The following SLC26A4 variants were observed in gnomAD, a reference collection of about 807,000 sequenced individuals.
SLC26A4 encodes the protein pendrin.
SLC26A4 carries 93 observed loss-of-function variants against 90.4 expected under a neutral mutation model. That is an observed-to-expected ratio of 1.03 (90% CI 0.87 to 1.22). The LOEUF (loss-of-function observed/expected upper bound fraction) is 1.22, where lower values mean the gene tolerates loss of function less well. Ranked by LOEUF, SLC26A4 falls within the 50% of genes most tolerant of loss-of-function variation. The probability of loss-of-function intolerance (pLI) is 0.00; values close to 1 mark genes in which losing one functional copy is unlikely to be tolerated. For missense variants in SLC26A4, 1,127 were observed against 946.2 expected (o/e 1.19, Z -2.51); for synonymous variants, 393 against 354.6 (o/e 1.11, Z -1.22).
In SLC26A4 at chr7:107,705,341, G is replaced by A. The variant is rs530712783; in HGVS notation, c.2089+956G>A. Among the ~76,000 whole-genome samples, 153 of 152,238 alleles carry A rather than the reference G, an allele frequency of 1.0e-3. 3 individuals are homozygous for A. The South Asian group carries it at 0.026, about 26-fold the overall frequency. The stretch of plus-strand genomic sequence containing the variant: ...TTGTTGTTTCAGAGAGAGACCATTC[G>A]ATGTCTGACAGGTGGCTTTTTGGAA... On this transcript the variant is annotated intron_variant, in intron 18 of 20. Transcript: ENST00000644269.
chr7:107,671,594 T>A (rs566180147), intron 3 of SLC26A4, among the ~76,000 whole-genome samples: 37 of 152,264 alleles, frequency 2.4e-4, no homozygotes, highest in African/African-American at 8.4e-4. Flanking sequence ...TCCAGGTGAT[T>A]TGGATCCTGT....
intron 6 of SLC26A4, among the ~76,000 whole-genome samples, chr7:107,680,131 TATATA>T (rs1286727927): frequency 8.3e-6 from 1 of 120,508 alleles, no homozygotes; most frequent in Non-Finnish European, 1.6e-5. Flanking sequence ...CTTATCTTAT[TATATA>T]ATATAATCTT....
At position 107,702,006 on chromosome 7, in the gene SLC26A4, C is replaced by CT. The variant is rs1271700356; in HGVS notation, c.1984dup (p.Cys662LeufsTer26). 2.5e-6 allele frequency: 4 copies of CT among 1,613,936 alleles called. No individual in the cohort carries two copies. The highest frequency in any genetic ancestry group is 2.5e-6 in the Non-Finnish European group (3 of 1,179,956). On this transcript the variant is annotated frameshift_variant, in exon 17 of 21. Coordinates refer to ENST00000644269, the MANE Select transcript of SLC26A4 (RefSeq NM_000441.2). LOFTEE classifies it high-confidence loss of function. ...TGCCAATCCATAGCCTTGTGCTTGA[C>CT]TGTGGAGCTATATCTTTCCTGGACG...
Position 107,701,096 on chromosome 7 carries a change from C to T in SLC26A4, c.1708-5C>T, listed in dbSNP as rs749299147. 1.9e-6 allele frequency: 3 copies of T among 1,574,864 alleles called. No individual in the cohort carries two copies. The highest frequency in any genetic ancestry group is 1.7e-5 in the Admixed American group (1 of 59,938). On this transcript the variant is annotated splice_region_variant and splice_polypyrimidine_tract_variant and intron_variant, in intron 15 of 20. Coordinates refer to ENST00000644269, the MANE Select transcript of SLC26A4 (RefSeq NM_000441.2). ...TTTTAAGTAACTTGACATTTATTTC[C>T]AAAGGTTGGATTTGATGCCATTAGA...
intron 3 of SLC26A4, among the ~76,000 whole-genome samples, chr7:107,670,112 A>AT (rs35349410): frequency 0.64 from 91,263 of 142,414 alleles, 29,318 homozygotes; most frequent in East Asian, 0.68. Context: ...ATACCTCCAG[A>AT]TTTTTTTTTT....
chr7:107,661,750 G>C lies in SLC26A4; in HGVS notation c.109G>C (p.Glu37Gln), dbSNP rs371544695. The change falls in exon 2 of 21, where the codon GAG (glutamate) becomes CAG (glutamine). Residue 37 changes from glutamate (E) to glutamine (Q), a missense_variant. Coordinates refer to ENST00000644269, the MANE Select transcript of SLC26A4 (RefSeq NM_000441.2). This position sits in a 1 kb window ranked among gnomAD's most constrained non-coding sequence, Gnocchi z 5.1. ...YSELAFQQQHERRLQERKTLR... is the reference protein window; with the variant it reads ...YSELAFQQQHQRRLQERKTLR... ...CGAGCTCGCTTTCCAGCAACAGCAC[G>C]AGCGGCGCCTGCAGGAGCGCAAGAC... The C allele has an allele frequency of 2.6e-5, 41 of 1,547,958 alleles. No homozygotes were observed. The highest frequency in any genetic ancestry group is 4.8e-5 in the East Asian group (2 of 41,596).
rs1792320631 is a variant in SLC26A4, at chr7:107,715,417, C to A, written c.2320-6C>A. On this transcript the variant is annotated splice_region_variant and splice_polypyrimidine_tract_variant and intron_variant, in intron 20 of 20. Transcript: ENST00000644269. ...TCAACACTTTGTTTTCCCCTTGCTT[C>A]CACAGGCTATGCGTACACTTGCATC... The A allele has an allele frequency of 6.2e-7, 1 of 1,612,750 alleles. No individual in the cohort carries two copies. The highest frequency in any genetic ancestry group is 8.5e-7 in the Non-Finnish European group (1 of 1,178,800).
rs774645749 is a variant in SLC26A4 at position 107,704,363 on chromosome 7, T to C, written c.2067T>C (p.Asn689=). ...AAGAATTCCAAAGAATTGATGTGAA[T>C]GTGTATTTTGCATCACTTCAAGGTA... is the stretch of plus-strand genomic sequence containing the variant. ...IVKEFQRIDV[N]VYFASLQDYV... Residue 689 remains asparagine (N), a synonymous_variant, in exon 18 of 21, where the codon AAT becomes AAC. Coordinates refer to ENST00000644269, the MANE Select transcript of SLC26A4 (RefSeq NM_000441.2). 3 of 1,400,576 alleles carry C rather than the reference T, an allele frequency of 2.1e-6. No individual in the cohort carries two copies. Among genetic ancestry groups the C allele is most frequent in the East Asian group, 2.3e-5 (1 of 43,856 alleles). 86.8% of individuals were successfully genotyped at this position (1,400,576 alleles called of 1,614,324 possible).
chr7:107,675,455 T>C (rs1280253443), intron 6 of SLC26A4, among the ~76,000 whole-genome samples: 1 of 151,726 alleles, frequency 6.6e-6, no homozygotes, highest in Admixed American at 6.6e-5. Flanking sequence ...TGCAGTGAGC[T>C]GTGATCGCCC....
Position 107,710,127 on chromosome 7 carries a change from G to T in SLC26A4, c.2163G>T (p.Thr721=), listed in dbSNP as rs375151702. The T allele has an allele frequency of 6.2e-7, 1 of 1,608,238 alleles. No individual in the cohort carries two copies. The highest frequency in any genetic ancestry group is 8.5e-7 in the Non-Finnish European group (1 of 1,174,654). The part of the protein sequence containing the change: ...DNIRKDTFFL[T]VHDAILYLQN... ...TTAGAAAGGACACATTCTTTTTGAC[G>T]GTCCATGATGCTATACTCTATCTAC... Residue 721 remains threonine, a synonymous_variant, in exon 19 of 21, where the codon ACG becomes ACT. Coordinates refer to ENST00000644269, the MANE Select transcript of SLC26A4 (RefSeq NM_000441.2).
intron 3 of SLC26A4, among the ~76,000 whole-genome samples, chr7:107,663,714 C>T (rs1562818824): frequency 1.3e-5 from 2 of 152,118 alleles, no homozygotes; most frequent in South Asian, 2.1e-4. Flanking sequence ...GACGGGGGCT[C>T]GCTCTGTCAC....
intron 10 of SLC26A4, chr7:107,693,438 G>A (rs1584328719): frequency 5.1e-6 from 5 of 985,366 alleles, no homozygotes; most frequent in Non-Finnish European, 6.0e-6. Flanking sequence ...TCTGTCTCCC[G>A]TAACTCAGAC....
rs574822096 is a variant in SLC26A4 at position 107,686,347 on chromosome 7, TC to T, written c.1002-2702del. Among the ~76,000 whole-genome samples the T allele has an allele frequency of 1.8e-3, 247 of 135,710 alleles. 3 individuals carry two copies. The highest frequency in any genetic ancestry group is 6.5e-3 in the African/African-American group (239 of 36,536). 89.0% of individuals were successfully genotyped at this position (135,710 alleles called of 152,430 possible). ...CCTTTCCTACCTGCACTCCCTTTCCTCCCCTTCCTACCTTCCCTCCCTTTCC... is the reference window on the plus strand; with the variant it reads ...CCTTTCCTACCTGCACTCCCTTTCCTCCCTTCCTACCTTCCCTCCCTTTCC... On this transcript the variant is annotated intron_variant, in intron 8 of 20. Coordinates refer to ENST00000644269, the MANE Select transcript of SLC26A4 (RefSeq NM_000441.2).
intron 2 of SLC26A4, among the ~76,000 whole-genome samples, chr7:107,662,943 G>A (rs751933163): frequency 1.3e-5 from 2 of 152,072 alleles, no homozygotes; most frequent in African/African-American, 2.4e-5. Context: ...ATAATAAGGC[G>A]CCTGGATTAG....
chr7:107,691,671 C>T (rs1336237589), intron 10 of SLC26A4, among the ~76,000 whole-genome samples: 1 of 151,978 alleles, frequency 6.6e-6, no homozygotes, highest in Admixed American at 6.6e-5. Context: ...TGCTCCTTTC[C>T]TATTTATAAT....
intron 13 of SLC26A4, 145 bp downstream of exon 13, chr7:107,696,184 T>C (rs1791738677): frequency 7.0e-6 from 5 of 709,496 alleles, no homozygotes; most frequent in Non-Finnish European, 1.3e-5. Flanking sequence ...GCAGACAGTG[T>C]TTTACAGACA....
In SLC26A4 at chr7:107,702,035, T is replaced by C; in HGVS notation, c.2012T>C (p.Val671Ala). The C allele has an allele frequency of 6.2e-7, 1 of 1,612,934 alleles. No individual in the cohort carries two copies. Among genetic ancestry groups the C allele is most frequent in the Non-Finnish European group, 8.5e-7 (1 of 1,178,928 alleles). The stretch of plus-strand genomic sequence containing the variant: ...GGAGCTATATCTTTCCTGGACGTTG[T>C]TGGAGTGAGATCACTGCGGGTGGTA... ...DCGAISFLDV[V>A]GVRSLRVIVK... The change falls in exon 17 of 21, where the codon GTT (valine) becomes GCT (alanine). Residue 671 changes from valine to alanine, a missense_variant. Val to Ala is a moderately conservative substitution (Grantham distance 64, BLOSUM62 0). Coordinates refer to ENST00000644269, the MANE Select transcript of SLC26A4 (RefSeq NM_000441.2).
chr7:107,673,854 G>T (rs892877706), intron 4 of SLC26A4, among the ~76,000 whole-genome samples: 1 of 151,798 alleles, frequency 6.6e-6, no homozygotes, highest in African/African-American at 2.4e-5. Context: ...TCAGCCTCCC[G>T]AGTAGCTGGG....
Position 107,694,417 on chromosome 7 carries a change from C to T in SLC26A4, c.1278C>T (p.Ile426=). The part of the protein sequence containing the change: ...TGGKTQVAGI[I]SAAIVMIAIL... ...GTGTCTTCCAGGTTGCTGGCATCATCTCTGCTGCGATTGTGATGATCGCCA... is the reference window on the plus strand; with the variant it reads ...GTGTCTTCCAGGTTGCTGGCATCATTTCTGCTGCGATTGTGATGATCGCCA... Residue 426 remains isoleucine (I), a synonymous_variant, in exon 11 of 21, where the codon ATC becomes ATT. Transcript: ENST00000644269. The T allele has an allele frequency of 3.1e-6, 5 of 1,613,554 alleles. No individual in the cohort carries two copies. Among genetic ancestry groups the T allele is most frequent in the Non-Finnish European group, 4.2e-6 (5 of 1,179,560 alleles).
Sources: allele counts gnomAD v4.1 joint callset (sites outside exome capture counted in the v4.1 genomes callset), GRCh38; gene constraint gnomAD v4.1.1; non-coding constraint Gnocchi (gnomAD v3.1); transcripts MANE v1.5; gene names NCBI Gene and HGNC (gene_info 2026-07-23, HGNC 2026-07-21).